The following TAAR1 variants were observed in gnomAD, a reference collection of about 807,000 sequenced individuals.
TAAR1 encodes the protein trace amine associated receptor 1.
A neutral mutation model predicts 1.2 loss-of-function variants in TAAR1; 1 was observed. The ratio of observed to expected loss-of-function variants is 0.81; its 90% confidence interval spans 0.29 to 3.86. The LOEUF (loss-of-function observed/expected upper bound fraction) is 3.86. Among genes scored for constraint, TAAR1 ranks in the 30% most tolerant of loss-of-function variants. The pLI, the probability that TAAR1 is intolerant of heterozygous loss-of-function variation, is 0.18. For missense variants in TAAR1, 445 were observed against 405.6 expected, an observed-to-expected ratio of 1.10 and a Z score of -0.83; for synonymous variants, 153 against 132.2, an observed-to-expected ratio of 1.16 and a Z score of -1.08.
chr6:132,657,554 T>C (rs1417381691), intron 1 of TAAR1, among the ~76,000 whole-genome samples: 1 of 151,996 alleles, frequency 6.6e-6, no homozygotes, highest in East Asian at 1.9e-4. Context: ...TTCTAAAATA[T>C]CATATGTCAA....
At chr6:132,647,639 A>AGAAG (rs1562203052) in intron 1 of TAAR1, among the ~76,000 whole-genome samples, 4 of 126,278 alleles carry the variant, frequency 3.2e-5, no homozygotes, top group Non-Finnish European at 4.9e-5. Context: ...AAAGAAAGAA[A>AGAAG]GAAAGAAAGA....
At chr6:132,654,205 C>T (rs11969743) in intron 1 of TAAR1, among the ~76,000 whole-genome samples, 12,897 of 149,310 alleles carry the variant, frequency 0.086, 618 homozygotes, top group Middle Eastern at 0.19. Context: ...TTTCAAAGCC[C>T]AGCTTTTAAA....
intron 1 of TAAR1, among the ~76,000 whole-genome samples, chr6:132,656,044 A>G (rs1353398405): frequency 6.6e-6 from 1 of 152,174 alleles, no homozygotes; most frequent in Non-Finnish European, 1.5e-5. Context: ...TGTGTGAGGA[A>G]GAGCAGGCCT....
At chr6:132,651,172 T>C (rs1241480915) in intron 1 of TAAR1, among the ~76,000 whole-genome samples, 1 of 152,224 alleles carries the variant, frequency 6.6e-6, no homozygotes, top group Non-Finnish European at 1.5e-5. Flanking sequence ...GTGGTTCTGC[T>C]ATCTCACAAG....
At chr6:132,654,480 A>C (rs1230686602) in intron 1 of TAAR1, among the ~76,000 whole-genome samples, 1 of 152,234 alleles carries the variant, frequency 6.6e-6, no homozygotes, top group Non-Finnish European at 1.5e-5. Flanking sequence ...GCCCTAAAAT[A>C]ATGTACCTTT....
intron 1 of TAAR1, among the ~76,000 whole-genome samples, chr6:132,656,497 C>G (rs1344005182): frequency 2.0e-5 from 3 of 152,050 alleles, no homozygotes; most frequent in Admixed American, 1.3e-4. Flanking sequence ...GTGTTTTATT[C>G]ACTGCTGAAG....
intron 1 of TAAR1, among the ~76,000 whole-genome samples, chr6:132,654,071 T>A (rs1055299313): frequency 1.4e-4 from 22 of 152,216 alleles, no homozygotes; most frequent in Non-Finnish European, 1.5e-5. Context: ...CCTCTCTCTC[T>A]CTACACCTGG....
Position 132,645,454 on chromosome 6 carries a change from C to G in TAAR1, c.550G>C (p.Val184Leu), listed in dbSNP as rs530743674. The G allele has an allele frequency of 1.2e-6, 2 of 1,613,580 alleles. No individual in the cohort carries two copies. Among genetic ancestry groups the G allele is most frequent in the African/African-American group, 1.3e-5 (1 of 74,856 alleles). ...KHVHCRGGCS[V>L]FFSKISGVLT... ...ACCCCAGATATTTTGCTAAAGAAGA[C>G]AGAGCAACCTCCTCTGCAGTGAACA... The change falls in exon 2 of 2, where the codon GTC (valine) becomes CTC (leucine). Residue 184 changes from valine to leucine, a missense_variant. By Grantham distance (32) the Val-to-Leu change is conservative. Coordinates refer to ENST00000275216, the MANE Select transcript of TAAR1 (RefSeq NM_138327.4).
chr6:132,650,487 C>T (rs916041005), intron 1 of TAAR1, among the ~76,000 whole-genome samples: 1 of 152,194 alleles, frequency 6.6e-6, no homozygotes, highest in Non-Finnish European at 1.5e-5. Context: ...GCTCAGGAAT[C>T]CTACTCCATT....
rs1435666238 is a variant in TAAR1, at chr6:132,644,403, T to A, written c.*581A>T. On this transcript the variant is annotated 3_prime_UTR_variant, in exon 2 of 2. Transcript: ENST00000275216. ...TTGTATATATTTTATTTTTATATTTTCCTTTATTTTTCAAATTTCTTAGAA... is the reference window on the plus strand; with the variant it reads ...TTGTATATATTTTATTTTTATATTTACCTTTATTTTTCAAATTTCTTAGAA... Among the ~76,000 whole-genome samples, 2 of 151,974 alleles carry A rather than the reference T, an allele frequency of 1.3e-5. No individual in the cohort carries two copies. Among genetic ancestry groups the A allele is most frequent in the Non-Finnish European group, 2.9e-5 (2 of 67,936 alleles).
intron 1 of TAAR1, among the ~76,000 whole-genome samples, chr6:132,658,667 A>G (rs1300353419): frequency 6.6e-6 from 1 of 152,176 alleles, no homozygotes; most frequent in African/African-American, 2.4e-5. Flanking sequence ...AGTTGTGTAT[A>G]TAGTAACAAT....
At chr6:132,649,820 A>G (rs1416335870) in intron 1 of TAAR1, among the ~76,000 whole-genome samples, 9 of 152,184 alleles carry the variant, frequency 5.9e-5, no homozygotes, top group Admixed American at 3.9e-4. Context: ...CTACAATTCA[A>G]GATGAGATTT....
Position 132,645,095 on chromosome 6 carries a change from A to C in TAAR1, c.909T>G (p.Val303=). 6.2e-7 allele frequency: 1 copy of C among 1,612,648 alleles called. No homozygotes were observed. The highest frequency in any genetic ancestry group is 8.5e-7 in the Non-Finnish European group (1 of 1,179,468). ...TAAACCAAGGATAGAAAAATGCATA[A>C]ACCATTGGATTAAATGTAGAGTTCA... ...GYLNSTFNPM[V]YAFFYPWFRK... is the part of the protein sequence containing the mutation. The change falls in exon 2 of 2, where the codon GTT becomes GTG. Residue 303 remains valine, a synonymous_variant. Transcript: ENST00000275216.
chr6:132,650,853 TG>T (rs1029656829), intron 1 of TAAR1, among the ~76,000 whole-genome samples: 37 of 152,284 alleles, frequency 2.4e-4, no homozygotes, highest in African/African-American at 8.4e-4. Flanking sequence ...CTCTCAAATA[TG>T]CAGTAATACT....
At chr6:132,648,290 GTTTA>G (rs991558467) in intron 1 of TAAR1, among the ~76,000 whole-genome samples, 1 of 152,128 alleles carries the variant, frequency 6.6e-6, no homozygotes, top group African/African-American at 2.4e-5. Flanking sequence ...GTTCAGAAGT[GTTTA>G]TTTATTCCTG....
At chr6:132,658,387 A>C (rs1777832866) in intron 1 of TAAR1, among the ~76,000 whole-genome samples, 1 of 152,170 alleles carries the variant, frequency 6.6e-6, no homozygotes, top group African/African-American at 2.4e-5. Context: ...GTCACCAGCA[A>C]TATTATGATA....
chr6:132,647,778 G>C (rs1170220074), intron 1 of TAAR1, among the ~76,000 whole-genome samples: 6 of 152,086 alleles, frequency 3.9e-5, no homozygotes, highest in African/African-American at 1.4e-4. Flanking sequence ...TATCACTTTG[G>C]TAGGAAAATG....
rs752773187 is a variant in TAAR1 at position 132,644,274 on chromosome 6, A to G, written c.*710T>C. Among the ~76,000 whole-genome samples, 6 of 151,958 alleles carry G rather than the reference A, an allele frequency of 3.9e-5. No homozygotes were observed. Among genetic ancestry groups the G allele is most frequent in the Non-Finnish European group, 7.4e-5 (5 of 67,932 alleles). ...TGCACATATGCCCCGACTCCAAAAT[A>G]AAAGTTGAAAAAGAGAAATATTAAT... On this transcript the variant is annotated 3_prime_UTR_variant, in exon 2 of 2. Transcript: ENST00000275216.
intron 1 of TAAR1, among the ~76,000 whole-genome samples, chr6:132,654,362 A>G (rs1049091288): frequency 6.6e-6 from 1 of 152,200 alleles, no homozygotes; most frequent in African/African-American, 2.4e-5. Flanking sequence ...GCTCTATGTC[A>G]TGTTCTTATT....
Sources: gnomAD v4.1 joint callset for allele counts (sites outside exome capture counted in the v4.1 genomes callset) on GRCh38, gnomAD v4.1.1 for gene constraint, MANE v1.5 for transcripts, NCBI Gene and HGNC (gene_info 2026-07-23, HGNC 2026-07-21) for gene names.